Variants in B4GALNT2 observed in about 807,000 individuals in gnomAD.
B4GALNT2 encodes the protein N-acetylneuraminylgalactosylglucosyl-glucoside beta-1,4-N- acetylgalactosaminyltransferase 2.
A neutral mutation model predicts 51.1 loss-of-function variants in B4GALNT2; 42 were observed. That is an observed-to-expected ratio of 0.82 (90% CI 0.64 to 1.06). B4GALNT2 has a LOEUF of 1.06. Among genes scored for constraint, B4GALNT2 ranks in the 50% least tolerant of loss-of-function variants. The probability of loss-of-function intolerance (pLI) is 0.00; values close to 1 mark genes in which losing one functional copy is unlikely to be tolerated. For missense variants in B4GALNT2, 602 were observed against 633.6 expected, an observed-to-expected ratio of 0.95 and a Z score of 0.54; for synonymous variants, 253 against 251.7, an observed-to-expected ratio of 1.01 and a Z score of -0.05.
the B4GALNT2 span, among the ~76,000 whole-genome samples, chr17:49,126,025 CATG>C: frequency 9.1e-6 from 1 of 110,444 alleles, no homozygotes; most frequent in Non-Finnish European, 2.2e-5. Flanking sequence ...GAGAGTGGGC[CATG>C]ATGACAATGG....
chr17:49,149,913 C>A (rs62079771), intron 3 of B4GALNT2, among the ~76,000 whole-genome samples: 24,691 of 152,166 alleles, frequency 0.16, 2,311 homozygotes, highest in East Asian at 0.44. Context: ...GCTATCATCA[C>A]ATTTTCAAAC....
In B4GALNT2 at chr17:49,173,285, T is replaced by C. The variant is rs1428596264; in HGVS notation, c.*3557T>C. The stretch of plus-strand genomic sequence containing the variant: ...AATTAATTGTGTGGAATGAATCATG[T>C]ATGAAGAATCAGAAATCACATTGAT... On this transcript the variant is annotated 3_prime_UTR_variant, in exon 11 of 11. Coordinates refer to ENST00000393354, the MANE Select transcript of B4GALNT2 (RefSeq NM_001159387.2). The C allele has an allele frequency of 6.6e-6, 1 of 152,242 alleles. No individual in the cohort carries two copies. The highest frequency in any genetic ancestry group is 1.9e-4 in the East Asian group (1 of 5,206). 9.4% of individuals were successfully genotyped at this position (152,242 alleles called of 1,614,324 possible).
At chr17:49,129,190 CAGAG>C (rs35327541), upstream of B4GALNT2, among the ~76,000 whole-genome samples, 396 of 148,360 alleles carry the variant, frequency 2.7e-3, 5 homozygotes, top group Middle Eastern at 0.028. Context: ...AAGAGAGAGA[CAGAG>C]AGAGAGAGAG....
chr17:49,157,198 T>A (rs1311558815), intron 5 of B4GALNT2, among the ~76,000 whole-genome samples: 1 of 152,174 alleles, frequency 6.6e-6, no homozygotes, highest in Non-Finnish European at 1.5e-5. Context: ...TCTCACTCTG[T>A]CACCCAGTCT....
In B4GALNT2 at chr17:49,171,258, C is replaced by T. The variant is rs1384227768; in HGVS notation, c.*1530C>T. On this transcript the variant is annotated 3_prime_UTR_variant, in exon 11 of 11. Coordinates refer to ENST00000393354, the MANE Select transcript of B4GALNT2 (RefSeq NM_001159387.2). ...TCCGCACCTGCAGACTATACAAAGA[C>T]AAACAACACAGATTAAAAGCACAAT... The T allele has an allele frequency of 3.2e-6, 1 of 311,322 alleles. No homozygotes were observed. Among genetic ancestry groups the T allele is most frequent in the East Asian group, 1.1e-4 (1 of 8,804 alleles). The allele number at this position is 311,322 out of a possible 1,614,324, so 19.3% of individuals were successfully genotyped here. A position where few individuals can be genotyped will look rare whatever the true frequency, so the allele number is the denominator to read the frequency against.
Position 49,175,677 on chromosome 17 carries a change from C to G in B4GALNT2, c.*5949C>G, listed in dbSNP as rs145656701. On this transcript the variant is annotated 3_prime_UTR_variant, in exon 11 of 11. Coordinates refer to ENST00000393354, the MANE Select transcript of B4GALNT2 (RefSeq NM_001159387.2). ...TGAGCTATAATATTTCCCTGTTGATCTGGGGGGTATATCCTAACAGGGAAC... is the reference window on the plus strand; with the variant it reads ...TGAGCTATAATATTTCCCTGTTGATGTGGGGGGTATATCCTAACAGGGAAC... 1.3e-5 allele frequency: 2 copies of G among 152,066 alleles called. No individual in the cohort carries two copies. The highest frequency in any genetic ancestry group is 4.8e-5 in the African/African-American group (2 of 41,394). The allele number at this position is 152,066 out of a possible 1,614,324, so 9.4% of individuals were successfully genotyped here. A position where few individuals can be genotyped will look rare whatever the true frequency, so the allele number is the denominator to read the frequency against.
At chr17:49,133,366 G>T (rs906450446) in intron 1 of B4GALNT2, 2 of 847,766 alleles carry the variant, frequency 2.4e-6, no homozygotes, top group Non-Finnish European at 3.3e-6. Context: ...AGCTGCGGTT[G>T]TGTGGCCCCG....
intron 3 of B4GALNT2, among the ~76,000 whole-genome samples, chr17:49,150,243 A>T (rs1365436293): frequency 1.6e-5 from 2 of 122,194 alleles, no homozygotes; most frequent in African/African-American, 6.5e-5. Flanking sequence ...TCCGGGAGGG[A>T]GGTGGGGGGG....
At chr17:49,131,629 G>A (rs1188232980), upstream of B4GALNT2, among the ~76,000 whole-genome samples, 1 of 151,898 alleles carries the variant, frequency 6.6e-6, no homozygotes, top group Non-Finnish European at 1.5e-5. Context: ...TCGTGCCTTA[G>A]CCTCCCAAGT....
chr17:49,154,769 C>T (rs2042791957), intron 4 of B4GALNT2, among the ~76,000 whole-genome samples: 1 of 151,930 alleles, frequency 6.6e-6, no homozygotes, highest in African/African-American at 2.4e-5. Context: ...TGGCATGTCC[C>T]ACACAGAAGG....
At chr17:49,135,114 G>C (rs1472658566) in intron 1 of B4GALNT2, among the ~76,000 whole-genome samples, 2 of 151,860 alleles carry the variant, frequency 1.3e-5, no homozygotes, top group African/African-American at 2.4e-5. Context: ...AACTCGAATA[G>C]TTTAAATGTA....
chr17:49,125,605 G>A, the B4GALNT2 span, among the ~76,000 whole-genome samples: 8 of 140,316 alleles, frequency 5.7e-5, no homozygotes, highest in East Asian at 2.2e-4. Flanking sequence ...CCGGCTGCCC[G>A]TCGTCTGGGA....
At position 49,176,536 on chromosome 17, in the gene B4GALNT2, T is replaced by C. The variant is rs1342447081; in HGVS notation, c.*6808T>C. On this transcript the variant is annotated 3_prime_UTR_variant, in exon 11 of 11. Coordinates refer to ENST00000393354, the MANE Select transcript of B4GALNT2 (RefSeq NM_001159387.2). ...GTGGCTTAGGAACACCTTAAGAGGT[T>C]TTCCCCCCTGGGTGGGACAGGTGTT... 3 of 152,224 alleles carry C rather than the reference T, an allele frequency of 2.0e-5. No homozygotes were observed. The East Asian group carries it at 5.8e-4, about 29-fold the overall frequency. 9.4% of individuals were successfully genotyped at this position (152,224 alleles called of 1,614,324 possible).
chr17:49,131,874 C>G (rs912481739), upstream of B4GALNT2, among the ~76,000 whole-genome samples: 3 of 152,104 alleles, frequency 2.0e-5, no homozygotes, highest in Admixed American at 6.6e-5. Flanking sequence ...GGCTCACACC[C>G]GTAATCCTAG....
At chr17:49,135,770 A>G (rs376609403) in intron 1 of B4GALNT2, among the ~76,000 whole-genome samples, 220 of 151,690 alleles carry the variant, frequency 1.5e-3, no homozygotes, top group African/African-American at 4.9e-3. Context: ...GGCTCTAAAA[A>G]AGGAAAATCC....
chr17:49,168,983 C>G, intron 10 of B4GALNT2, 83 bp downstream of exon 10: 1 of 1,401,564 alleles, frequency 7.1e-7, no homozygotes, highest in Non-Finnish European at 9.7e-7. Context: ...CTGTACCCGG[C>G]TGGCTGATCA....
chr17:49,120,668 G>T, the B4GALNT2 span, among the ~76,000 whole-genome samples: 1 of 151,926 alleles, frequency 6.6e-6, no homozygotes, highest in South Asian at 2.1e-4. Context: ...ACCATGCCTG[G>T]CTAATTTTTT....
At chr17:49,125,304 C>T in the B4GALNT2 span, among the ~76,000 whole-genome samples, 13 of 151,994 alleles carry the variant, frequency 8.6e-5, no homozygotes, top group African/African-American at 3.1e-4. Context: ...GGATTACAGG[C>T]GAGCGCCACC....
the B4GALNT2 span, among the ~76,000 whole-genome samples, chr17:49,121,917 G>A: frequency 3.9e-5 from 6 of 152,232 alleles, no homozygotes; most frequent in African/African-American, 1.4e-4. Flanking sequence ...AACAGTTAAA[G>A]TCAGGTTTAT....
Sources: gnomAD v4.1 joint callset for allele counts (sites outside exome capture counted in the v4.1 genomes callset) on GRCh38, gnomAD v4.1.1 for gene constraint, MANE v1.5 for transcripts, NCBI Gene and HGNC (gene_info 2026-07-23, HGNC 2026-07-21) for gene names.